Variants in TGFBR2 observed in about 807,000 individuals in gnomAD.
TGFBR2 encodes transforming growth factor beta receptor 2.
TGFBR2 carries 18 observed loss-of-function variants against 49.0 expected under a neutral mutation model. The observed-to-expected ratio is 0.37, with a 90% CI of 0.25 to 0.54. The LOEUF (loss-of-function observed/expected upper bound fraction) is 0.54, where lower values mean the gene tolerates loss of function less well. Among genes scored for constraint, TGFBR2 ranks in the 20% least tolerant of loss-of-function variants. The pLI, the probability that TGFBR2 is intolerant of heterozygous loss-of-function variation, is 0.85. For missense variants in TGFBR2, 525 were observed against 722.6 expected (o/e 0.73, Z 3.13); for synonymous variants, 282 against 275.9 (o/e 1.02, Z -0.22).
At chr3:30,687,895 T>G (rs903378325) in intron 5 of TGFBR2, among the ~76,000 whole-genome samples, 2 of 152,242 alleles carry the variant, frequency 1.3e-5, no homozygotes, top group Non-Finnish European at 2.9e-5. Flanking sequence ...TCATCCATGT[T>G]GTAGCATGTG....
chr3:30,622,750 C>G (rs1034923476), intron 1 of TGFBR2, among the ~76,000 whole-genome samples: 7 of 151,622 alleles, frequency 4.6e-5, no homozygotes, highest in African/African-American at 1.7e-4. Context: ...AGTGGTGGGA[C>G]ACGCCTATAA....
intron 3 of TGFBR2, among the ~76,000 whole-genome samples, chr3:30,659,536 A>ATT (rs774359527): frequency 6.7e-6 from 1 of 148,408 alleles, no homozygotes; most frequent in Non-Finnish European, 1.5e-5. Context: ...GCTTTTCAAG[A>ATT]TTTTTTTTTT....
At chr3:30,671,178 T>C (rs926456992) in intron 3 of TGFBR2, among the ~76,000 whole-genome samples, 1 of 152,214 alleles carries the variant, frequency 6.6e-6, no homozygotes, top group Non-Finnish European at 1.5e-5. Context: ...TGCTGTGTGC[T>C]AAGTGCAGTT....
In TGFBR2 at chr3:30,650,302, C is replaced by T. The variant is rs863223837; in HGVS notation, c.296C>T (p.Thr99Ile). The change falls in exon 3 of 7, where the codon ACA (threonine) becomes ATA (isoleucine). Residue 99 changes from threonine to isoleucine, a missense_variant. Physicochemically the swap from Thr to Ile is moderately conservative, Grantham distance 89 (BLOSUM62 -1). Coordinates refer to ENST00000295754, the MANE Select transcript of TGFBR2 (RefSeq NM_003242.6). ...AATGACGAGAACATAACACTAGAGACAGTTTGCCATGACCCCAAGCTCCCC... is the reference window on the plus strand; with the variant it reads ...AATGACGAGAACATAACACTAGAGATAGTTTGCCATGACCCCAAGCTCCCC... ...RKNDENITLE[T>I]VCHDPKLPYH... 6.2e-7 allele frequency: 1 copy of T among 1,613,974 alleles called. No homozygotes were observed. Among genetic ancestry groups the T allele is most frequent in the Non-Finnish European group, 8.5e-7 (1 of 1,179,954 alleles).
intron 3 of TGFBR2, 87 bp from the exon 4 acceptor site, chr3:30,671,551 T>C: frequency 7.4e-7 from 1 of 1,342,900 alleles, no homozygotes; most frequent in Non-Finnish European, 1.1e-6. Context: ...TGCTAAAATC[T>C]ATAGATGCTC....
At chr3:30,607,009 C>T (rs751950445) in intron 1 of TGFBR2, 32 bp downstream of exon 1, 3 of 1,540,428 alleles carry the variant, frequency 1.9e-6, no homozygotes, top group Non-Finnish European at 2.6e-6. Flanking sequence ...CTCGGCGGGG[C>T]GCCGGGGGTC....
chr3:30,636,400 C>G (rs1383105200), intron 1 of TGFBR2, among the ~76,000 whole-genome samples: 1 of 151,996 alleles, frequency 6.6e-6, no homozygotes, highest in Non-Finnish European at 1.5e-5. Flanking sequence ...ATTTTCTGCC[C>G]ACATGGTGGT....
At position 30,658,287 on chromosome 3, in the gene TGFBR2, T is replaced by C. The variant is rs561281579; in HGVS notation, c.454+7827T>C. Among the ~76,000 whole-genome samples the C allele has an allele frequency of 1.4e-4, 21 of 152,356 alleles. No homozygotes were observed. In the South Asian group the frequency reaches 2.7e-3, roughly 20 times the overall value. ...ATATGTACCTACACATTTAGCATAC[T>C]AATATCACTCTTGCTTACCAGTTTT... On this transcript the variant is annotated intron_variant, in intron 3 of 6. Transcript: ENST00000295754.
At chr3:30,619,865 AG>A (rs1288804773) in intron 1 of TGFBR2, among the ~76,000 whole-genome samples, 2 of 152,080 alleles carry the variant, frequency 1.3e-5, no homozygotes, top group African/African-American at 4.8e-5. Context: ...TTGTTTGCCA[AG>A]CTACCTGTGC....
Position 30,607,791 on chromosome 3 carries a change from AAT to A in TGFBR2, c.94+816_94+817del, listed in dbSNP as rs1438748758. On this transcript the variant is annotated intron_variant, in intron 1 of 6. Coordinates refer to ENST00000295754, the MANE Select transcript of TGFBR2 (RefSeq NM_003242.6). The stretch of plus-strand genomic sequence containing the variant: ...TGAAGGTTTTTAAGGAAAAAATAAA[AAT>A]AAAAAAATATATATATATATTATAT... 2.1e-3 allele frequency among the ~76,000 whole-genome samples: 290 copies of A among 135,284 alleles called. 2 individuals carry two copies. The highest frequency in any genetic ancestry group is 0.011 in the Middle Eastern group (3 of 270). The allele number at this position is 135,284 out of a possible 152,430, so 88.8% of individuals were successfully genotyped here. A position where few individuals can be genotyped will look rare whatever the true frequency, so the allele number is the denominator to read the frequency against.
At chr3:30,668,642 A>C (rs1025193637) in intron 3 of TGFBR2, among the ~76,000 whole-genome samples, 2 of 151,776 alleles carry the variant, frequency 1.3e-5, no homozygotes, top group Admixed American at 6.6e-5. Context: ...TTTCTGCCCT[A>C]CTCTTGCCTG....
Position 30,674,151 on chromosome 3 carries a change from T to A in TGFBR2, c.1301T>A (p.Met434Lys), listed in dbSNP as rs1575158954. The A allele has an allele frequency of 6.2e-7, 1 of 1,614,088 alleles. No individual in the cohort carries two copies. The change falls in exon 5 of 7, where the codon ATG becomes AAG. Residue 434 changes from methionine (M) to lysine (K), a missense_variant. Met to Lys is a moderately conservative substitution (Grantham distance 95, BLOSUM62 -1). Coordinates refer to ENST00000295754, the MANE Select transcript of TGFBR2 (RefSeq NM_003242.6). ...YMAPEVLESR[M>K]NLENVESFKQ... ...GCTCCAGAAGTCCTAGAATCCAGGA[T>A]GAATTTGGAGAATGTTGAGTCCTTC...
At chr3:30,611,675 C>A (rs1293307274) in intron 1 of TGFBR2, among the ~76,000 whole-genome samples, 1 of 146,854 alleles carries the variant, frequency 6.8e-6, no homozygotes, top group East Asian at 2.0e-4. Context: ...TTTCTTTTTT[C>A]ATTGGGTTTT....
intron 3 of TGFBR2, among the ~76,000 whole-genome samples, chr3:30,661,998 T>C (rs925500271): frequency 6.6e-6 from 1 of 152,110 alleles, no homozygotes; most frequent in African/African-American, 2.4e-5. Context: ...GAGGAAAACA[T>C]GGCTGTTCAA....
intron 5 of TGFBR2, among the ~76,000 whole-genome samples, chr3:30,685,022 T>C (rs750156168): frequency 1.3e-5 from 2 of 152,160 alleles, no homozygotes; most frequent in Non-Finnish European, 2.9e-5. Context: ...GACTTTGTCT[T>C]TGTTCTCAAG....
At chr3:30,688,857 C>T (rs2125452758) in intron 6 of TGFBR2, among the ~76,000 whole-genome samples, 1 of 152,190 alleles carries the variant, frequency 6.6e-6, no homozygotes, top group Non-Finnish European at 1.5e-5. Context: ...CCTCTGGATT[C>T]CAAATGTTTT....
rs1699720187 is a variant in TGFBR2, at chr3:30,692,033, C to G, written c.*434C>G. On this transcript the variant is annotated 3_prime_UTR_variant, in exon 7 of 7. Transcript: ENST00000295754. Reference sequence around the variant, plus strand: ...TGGTTTTATTGGAGAACTCCAGAACCAAGCAGAGAAGGAAGGGACCCATGA... The same window carrying G: ...TGGTTTTATTGGAGAACTCCAGAACGAAGCAGAGAAGGAAGGGACCCATGA... 2 of 222,608 alleles carry G rather than the reference C, an allele frequency of 9.0e-6. No individual in the cohort carries two copies. Among genetic ancestry groups the G allele is most frequent in the East Asian group, 6.6e-5 (1 of 15,116 alleles). 13.8% of individuals were successfully genotyped at this position (222,608 alleles called of 1,614,324 possible). A position where few individuals can be genotyped will look rare whatever the true frequency, so the allele number is the denominator to read the frequency against.
intron 1 of TGFBR2, among the ~76,000 whole-genome samples, chr3:30,637,147 T>C (rs1294950366): frequency 3.3e-5 from 5 of 150,930 alleles, no homozygotes; most frequent in Admixed American, 6.6e-5. Flanking sequence ...TGCAAGCAGA[T>C]GGCACCCTCA....
At chr3:30,650,501 T>TC (rs776747228) in intron 3 of TGFBR2, 41 bp downstream of exon 3, 10 of 1,608,652 alleles carry the variant, frequency 6.2e-6, no homozygotes, top group Non-Finnish European at 8.5e-6. Context: ...CTGAGATCTG[T>TC]GCCAATTTTT....
Sources: allele counts gnomAD v4.1 joint callset (sites outside exome capture counted in the v4.1 genomes callset), GRCh38; gene constraint gnomAD v4.1.1; transcripts MANE v1.5; gene names NCBI Gene and HGNC (gene_info 2026-07-23, HGNC 2026-07-21).